KLHL13: variants seen among roughly 807,000 people sequenced by gnomAD.
KLHL13 encodes the protein kelch-like protein 13.
Under a neutral mutation model 37.1 loss-of-function variants are expected in KLHL13, and 10 were observed. The ratio of observed to expected loss-of-function variants is 0.27; its 90% CI spans 0.17 to 0.46. The LOEUF is 0.46. KLHL13 is among the 20% of genes least tolerant of loss of function. KLHL13 has a pLI of 1.00. For missense variants in KLHL13, 360 were observed against 509.3 expected (o/e 0.71, Z 2.82); for synonymous variants, 163 against 181.2 (o/e 0.90, Z 0.81).
rs1220956260 is a variant in KLHL13, at chrX:117,920,208, G to A, written c.373+30C>T. The A allele has an allele frequency of 8.5e-6, 10 of 1,179,884 alleles. No individual in the cohort carries two copies. In the African/African-American group the frequency reaches 1.6e-4, roughly 19 times the overall value. On this transcript the variant is annotated intron_variant, in intron 3 of 6. Transcript: ENST00000262820. ...CACGGATTTTTCATATTGTTTTAAT[G>A]TGGTTTCAGAGTTTTAAAAGGCAAA... is the stretch of plus-strand genomic sequence containing the variant.
At chrX:118,025,713 C>A (rs762982608) in intron 1 of KLHL13, among the ~76,000 whole-genome samples, 2 of 111,860 alleles carry the variant, frequency 1.8e-5, no homozygotes, top group African/African-American at 6.5e-5. Flanking sequence ...CCTGCACATC[C>A]TGCACATGTA....
chrX:117,933,154 T>C (rs1035544709), intron 2 of KLHL13, among the ~76,000 whole-genome samples: 6 of 111,110 alleles, frequency 5.4e-5, no homozygotes, highest in African/African-American at 2.0e-4. Flanking sequence ...TTTCTCCCAT[T>C]CTGTAGGTTG....
At chrX:117,930,286 A>AGGC (rs1366111839) in intron 2 of KLHL13, among the ~76,000 whole-genome samples, 81 of 89,292 alleles carry the variant, frequency 9.1e-4, no homozygotes, top group African/African-American at 3.5e-3. Flanking sequence ...GGAAGGAAGG[A>AGGC]AGGAAGGCAG....
At chrX:118,069,870 T>C (rs2054838780) in intron 1 of KLHL13, among the ~76,000 whole-genome samples, 1 of 112,364 alleles carries the variant, frequency 8.9e-6, no homozygotes, top group African/African-American at 3.2e-5. Flanking sequence ...TCACATTCTC[T>C]TCTCACTGAC....
At chrX:118,109,497 G>A (rs1424084785) in intron 1 of KLHL13, among the ~76,000 whole-genome samples, 10 of 112,188 alleles carry the variant, frequency 8.9e-5, no homozygotes, top group Admixed American at 9.4e-5. Flanking sequence ...TGAATATTGC[G>A]TTCTAAGGCA....
chrX:118,008,407 G>A (rs1162385565), intron 1 of KLHL13, among the ~76,000 whole-genome samples: 2 of 111,612 alleles, frequency 1.8e-5, no homozygotes, highest in Non-Finnish European at 3.8e-5. Flanking sequence ...CGCCATAGGT[G>A]GCTATTACAA....
At chrX:117,956,103 G>C (rs1293907944) in intron 1 of KLHL13, among the ~76,000 whole-genome samples, 1 of 111,542 alleles carries the variant, frequency 9.0e-6, no homozygotes, top group East Asian at 2.8e-4. Context: ...TCAGTATCTA[G>C]CCACAGACAA....
chrX:118,116,476 G>A (rs898043394), intron 1 of KLHL13, 32 bp downstream of exon 1: 4 of 113,120 alleles, frequency 3.5e-5, no homozygotes, highest in African/African-American at 1.3e-4. Flanking sequence ...AGCGGCTGCT[G>A]GAGCCCCTGT....
intron 1 of KLHL13, among the ~76,000 whole-genome samples, chrX:118,089,594 G>A (rs765933226): frequency 0.015 from 1,199 of 81,259 alleles, 25 homozygotes; most frequent in African/African-American, 0.057. Flanking sequence ...AGAAAAGAGA[G>A]AGAGAGAGAG....
intron 2 of KLHL13, among the ~76,000 whole-genome samples, chrX:117,920,673 C>T (rs370878038): frequency 5.4e-5 from 6 of 111,837 alleles, no homozygotes; most frequent in African/African-American, 1.9e-4. Context: ...AAAATAATTA[C>T]AATGTGCACT....
Position 118,012,843 on chromosome X carries a change from A to G in KLHL13, c.-55-67268T>C, listed in dbSNP as rs1270855230. On this transcript the variant is annotated intron_variant, in intron 1 of 6. Transcript: ENST00000371882. The stretch of plus-strand genomic sequence containing the variant: ...GAGAATAAAGTTCCAGCCTCTAAAG[A>G]AGGTATATATACAAACAAACATTCA... Among the ~76,000 whole-genome samples the G allele has an allele frequency of 2.7e-5, 3 of 111,770 alleles. No homozygotes were observed. The East Asian group carries it at 8.4e-4, about 31-fold the overall frequency.
intron 1 of KLHL13, among the ~76,000 whole-genome samples, chrX:118,084,433 C>T (rs998246942): frequency 1.8e-5 from 2 of 111,937 alleles, no homozygotes; most frequent in African/African-American, 6.5e-5. Flanking sequence ...TAAAAATGAA[C>T]ATCACAATGC....
intron 1 of KLHL13, among the ~76,000 whole-genome samples, chrX:117,951,298 C>T (rs1933586788): frequency 9.0e-6 from 1 of 111,053 alleles, no homozygotes; most frequent in Admixed American, 9.6e-5. Context: ...AAGATTTGTC[C>T]CCCAACTAAA....
intron 1 of KLHL13, among the ~76,000 whole-genome samples, chrX:118,097,799 G>A (rs1433093553): frequency 9.0e-6 from 1 of 111,479 alleles, no homozygotes; most frequent in Non-Finnish European, 1.9e-5. Flanking sequence ...TCTGATCTTT[G>A]ACAAACTGGA....
chrX:117,991,987 TA>T (rs1475066347), intron 1 of KLHL13, among the ~76,000 whole-genome samples: 3 of 108,939 alleles, frequency 2.8e-5, no homozygotes, highest in African/African-American at 1.0e-4. Flanking sequence ...AGAAGGCTGT[TA>T]AAATTAAAGT....
intron 1 of KLHL13, among the ~76,000 whole-genome samples, chrX:118,005,229 A>G (rs764061574): frequency 2.7e-5 from 3 of 111,955 alleles, no homozygotes; most frequent in Non-Finnish European, 5.6e-5. Context: ...AGATGACTGT[A>G]TATATAAAAT....
At chrX:117,953,962 G>T (rs1933774875) in intron 1 of KLHL13, among the ~76,000 whole-genome samples, 1 of 111,570 alleles carries the variant, frequency 9.0e-6, no homozygotes, top group Admixed American at 9.5e-5. Context: ...TAACTCAGAT[G>T]AAATTTGGGG....
chrX:118,098,252 A>G (rs1383970490), intron 1 of KLHL13, among the ~76,000 whole-genome samples: 1 of 112,045 alleles, frequency 8.9e-6, no homozygotes, highest in Admixed American at 9.5e-5. Flanking sequence ...ACCCCATCAA[A>G]AAGTGGGCAA....
chrX:118,047,447 T>C (rs1297918838), intron 1 of KLHL13, among the ~76,000 whole-genome samples: 1 of 112,167 alleles, frequency 8.9e-6, no homozygotes, highest in African/African-American at 3.2e-5. Flanking sequence ...AAAGGGCTAA[T>C]AATTTTAACT....
Sources: allele counts gnomAD v4.1 joint callset (sites outside exome capture counted in the v4.1 genomes callset), GRCh38; gene constraint gnomAD v4.1.1; transcripts MANE v1.5; gene names NCBI Gene and HGNC (gene_info 2026-07-23, HGNC 2026-07-21).